GALNT6: variants seen among roughly 807,000 people sequenced by gnomAD.
GALNT6 encodes GalNAc transferase 6.
A neutral mutation model predicts 65.9 loss-of-function variants in GALNT6; 51 were observed. The ratio of observed to expected loss-of-function variants is 0.77; its 90% CI spans 0.62 to 0.98. The LOEUF (loss-of-function observed/expected upper bound fraction) is 0.98, where lower values mean the gene tolerates loss of function less well. GALNT6 is among the 50% of genes least tolerant of loss of function. GALNT6 has a pLI of 0.00. For missense variants in GALNT6, 708 were observed against 803.3 expected (o/e 0.88, Z 1.43); for synonymous variants, 323 against 315.1 (o/e 1.02, Z -0.26).
intron 2 of GALNT6, among the ~76,000 whole-genome samples, chr12:51,384,301 C>T (rs1947760472): frequency 6.6e-6 from 1 of 152,224 alleles, no homozygotes; most frequent in African/African-American, 2.4e-5. Context: ...TGAGGCTTTA[C>T]CCAGCCCAGC....
intron 5 of GALNT6, 50 bp from the exon 6 acceptor site, chr12:51,364,405 G>T: frequency 7.7e-7 from 1 of 1,302,342 alleles, no homozygotes; most frequent in Non-Finnish European, 1.1e-6. Flanking sequence ...CCACAGCAGA[G>T]CCCAAGCTGC....
chr12:51,357,579 T>C (rs1946790179), intron 9 of GALNT6, 129 bp from the exon 10 acceptor site: 2 of 665,772 alleles, frequency 3.0e-6, no homozygotes, highest in African/African-American at 3.5e-5. Context: ...ATTTCCCCCG[T>C]CATTTCTCTC....
At chr12:51,355,484 T>C (rs1168044736) in intron 11 of GALNT6, among the ~76,000 whole-genome samples, 1 of 152,094 alleles carries the variant, frequency 6.6e-6, no homozygotes, top group Non-Finnish European at 1.5e-5. Flanking sequence ...TTTTTATTTT[T>C]CCCAAGATGG....
In GALNT6 at chr12:51,354,444, C is replaced by T; in HGVS notation, c.1804G>A (p.Asp602Asn). 6.3e-7 allele frequency: 1 copy of T among 1,592,734 alleles called. No homozygotes were observed. ...SGSGTCLTSQDKKPAMAPCNP... is the reference protein window; with the variant it reads ...SGSGTCLTSQNKKPAMAPCNP... ...CAGGGGGCCATGGCTGGCTTTTTGT[C>T]CTGGGATGTCAGGCAGGTACCAGAT... Residue 602 changes from aspartate (D) to asparagine (N), a missense_variant, in exon 12 of 12, where the codon GAC (aspartate) becomes AAC (asparagine). Transcript: ENST00000356317.
At chr12:51,374,643 A>C (rs1947395242) in intron 4 of GALNT6, among the ~76,000 whole-genome samples, 1 of 152,176 alleles carries the variant, frequency 6.6e-6, no homozygotes, top group Non-Finnish European at 1.5e-5. Context: ...GAGTTTGAGC[A>C]CAGGAGGTCA....
Position 51,354,359 on chromosome 12 carries a change from C to T in GALNT6, c.*20G>A, listed in dbSNP as rs752073843. On this transcript the variant is annotated 3_prime_UTR_variant, in exon 12 of 12. Coordinates refer to ENST00000356317, the MANE Select transcript of GALNT6 (RefSeq NM_007210.4). ...TTCCTGAGGAGCTTGTGGGGGCTCTCTCTGGGGATGATCTGGGTCCTAGAC... is the reference window on the plus strand; with the variant it reads ...TTCCTGAGGAGCTTGTGGGGGCTCTTTCTGGGGATGATCTGGGTCCTAGAC... The T allele has an allele frequency of 7.4e-7, 1 of 1,351,050 alleles. No individual in the cohort carries two copies. 83.7% of individuals were successfully genotyped at this position (1,351,050 alleles called of 1,614,324 possible). A position where few individuals can be genotyped will look rare whatever the true frequency, so the allele number is the denominator to read the frequency against.
At position 51,352,336 on chromosome 12, in the gene GALNT6, C is replaced by T. The variant is rs373438922; in HGVS notation, c.*2043G>A. 2.6e-5 allele frequency: 4 copies of T among 152,340 alleles called. No individual in the cohort carries two copies. In the East Asian group the frequency reaches 5.8e-4, roughly 22 times the overall value. 9.4% of individuals were successfully genotyped at this position (152,340 alleles called of 1,614,324 possible). Reference sequence around the variant, plus strand: ...GGACCCTCCCGAGCCTTATCAGAGTCCTTACCCTCAGGGCTACTGATACCT... The same window carrying T: ...GGACCCTCCCGAGCCTTATCAGAGTTCTTACCCTCAGGGCTACTGATACCT... On this transcript the variant is annotated 3_prime_UTR_variant, in exon 12 of 12. Transcript: ENST00000356317.
At chr12:51,389,651 T>C (rs533239186) in intron 2 of GALNT6, among the ~76,000 whole-genome samples, 12 of 152,332 alleles carry the variant, frequency 7.9e-5, no homozygotes, top group Non-Finnish European at 1.5e-4. Flanking sequence ...GCCTTCATGA[T>C]ACTCACTGCC....
chr12:51,379,356 G>C lies in GALNT6; in HGVS notation c.426C>G (p.Phe142Leu), dbSNP rs775046363. Reference sequence around the variant, plus strand: ...AGATCCGGTCGCTGGCAAAGGCATTGAAACAGTGCTTCTTATAGCCTTCTT... The same window carrying C: ...AGATCCGGTCGCTGGCAAAGGCATTCAAACAGTGCTTCTTATAGCCTTCTT... ...EKEEGYKKHCFNAFASDRISL... is the reference protein window; with the variant it reads ...EKEEGYKKHCLNAFASDRISL... The change falls in exon 3 of 12, where the codon TTC becomes TTG. Residue 142 changes from phenylalanine (F) to leucine (L), a missense_variant. Coordinates refer to ENST00000356317, the MANE Select transcript of GALNT6 (RefSeq NM_007210.4). 1 of 1,552,120 alleles carries C rather than the reference G, an allele frequency of 6.4e-7. No homozygotes were observed. The highest frequency in any genetic ancestry group is 1.3e-5 in the South Asian group (1 of 79,936).
chr12:51,383,430 T>A (rs1947733505), intron 2 of GALNT6: 2 of 152,178 alleles, frequency 1.3e-5, no homozygotes, highest in Admixed American at 6.5e-5. Flanking sequence ...AAGATTGTAG[T>A]TACTAACTGT....
intron 2 of GALNT6, among the ~76,000 whole-genome samples, chr12:51,384,494 C>T (rs187403665): frequency 6.6e-6 from 1 of 152,072 alleles, no homozygotes; most frequent in Non-Finnish European, 1.5e-5. Flanking sequence ...GAGTTCAAGA[C>T]CAACCTGGCC....
intron 2 of GALNT6, among the ~76,000 whole-genome samples, chr12:51,385,380 A>G (rs1040422986): frequency 2.0e-5 from 3 of 152,242 alleles, no homozygotes; most frequent in Non-Finnish European, 4.4e-5. Flanking sequence ...TTGTTATTCA[A>G]AATTCATACA....
In GALNT6 at chr12:51,360,813, A is replaced by C. The variant is rs1946900263; in HGVS notation, c.1075T>G (p.Phe359Val). The change falls in exon 7 of 12, where the codon TTC becomes GTC. Residue 359 changes from phenylalanine (F) to valine (V), a missense_variant. Physicochemically the swap from Phe to Val is conservative, Grantham distance 50. Coordinates refer to ENST00000356317, the MANE Select transcript of GALNT6 (RefSeq NM_007210.4). ...TCAAAGTAGGACTTGGAGATGGAGA[A>C]GAGGCCACCAGCAAACGTCGGGGAT... ...IKSPTFAGGL[F>V]SISKSYFEHI... is the part of the protein sequence containing the mutation. 1 of 1,612,900 alleles carries C rather than the reference A, an allele frequency of 6.2e-7. No individual in the cohort carries two copies. Among genetic ancestry groups the C allele is most frequent in the African/African-American group, 1.3e-5 (1 of 74,884 alleles).
chr12:51,379,768 C>T lies in GALNT6; in HGVS notation c.14G>A (p.Arg5His), dbSNP rs760757484. 30 of 1,606,044 alleles carry T rather than the reference C, an allele frequency of 1.9e-5. No homozygotes were observed. Among genetic ancestry groups the T allele is most frequent in the East Asian group, 2.2e-5 (1 of 44,836 alleles). The change falls in exon 3 of 12, where the codon CGC (arginine) becomes CAC (histidine). Residue 5 changes from arginine to histidine, a missense_variant. Physicochemically the swap from Arg to His is conservative, Grantham distance 29 (BLOSUM62 0). Transcript: ENST00000356317. The stretch of plus-strand genomic sequence containing the variant: ...CAGGCGCAGGGGCATGTGGCGTCTG[C>T]GGAGGAGCCTCATCCTCCAGAACCA... Reference protein sequence around the residue: MRLLRRRHMPLRLAM... With the variant: MRLLHRRHMPLRLAM...
At chr12:51,374,761 C>T (rs1024383761) in intron 4 of GALNT6, among the ~76,000 whole-genome samples, 1 of 152,142 alleles carries the variant, frequency 6.6e-6, no homozygotes, top group African/African-American at 2.4e-5. Context: ...AGTTCAGGCC[C>T]CATCATCTCC....
rs1565713762 is a variant in GALNT6, at chr12:51,359,467, G to A, written c.1168-135C>T. The A allele has an allele frequency of 6.7e-6, 4 of 598,366 alleles. No individual in the cohort carries two copies. In the East Asian group the frequency reaches 1.1e-4, roughly 17 times the overall value. 37.1% of individuals were successfully genotyped at this position (598,366 alleles called of 1,614,324 possible). A position where few individuals can be genotyped will look rare whatever the true frequency, so the allele number is the denominator to read the frequency against. On this transcript the variant is annotated intron_variant, in intron 7 of 11. Coordinates refer to ENST00000356317, the MANE Select transcript of GALNT6 (RefSeq NM_007210.4). Reference sequence around the variant, plus strand: ...GGGCAAATGCTGCTCTCTCTCCCTGGGAAAAAGGATACCGACCAGGCTTCT... The same window carrying A: ...GGGCAAATGCTGCTCTCTCTCCCTGAGAAAAAGGATACCGACCAGGCTTCT...
intron 4 of GALNT6, 91 bp downstream of exon 4, chr12:51,377,104 G>C: frequency 9.4e-7 from 1 of 1,067,370 alleles, no homozygotes; most frequent in South Asian, 1.3e-5. Context: ...GGCTCATGAG[G>C]TGGTGCCTGC....
chr12:51,371,098 T>TTAG (rs1947281679), intron 4 of GALNT6, among the ~76,000 whole-genome samples: 1 of 145,034 alleles, frequency 6.9e-6, no homozygotes, highest in Non-Finnish European at 1.5e-5. Flanking sequence ...ATTATTATTA[T>TTAG]TTGAGATGGA....
chr12:51,354,710 G>C (rs1023491231), intron 11 of GALNT6, among the ~76,000 whole-genome samples: 9 of 152,140 alleles, frequency 5.9e-5, no homozygotes, highest in Non-Finnish European at 8.8e-5. Flanking sequence ...CAGACTGAGT[G>C]GATGAAATGG....
Sources: allele counts gnomAD v4.1 joint callset (sites outside exome capture counted in the v4.1 genomes callset), GRCh38; gene constraint gnomAD v4.1.1; transcripts MANE v1.5; gene names NCBI Gene and HGNC (gene_info 2026-07-23, HGNC 2026-07-21).